FRAS1: variants seen among roughly 807,000 people sequenced by gnomAD.
The protein encoded by FRAS1 is extracellular matrix organizing protein FRAS1.
A neutral mutation model predicts 435.2 loss-of-function variants in FRAS1; 290 were observed. The observed-to-expected ratio is 0.67, with a 90% CI of 0.61 to 0.73. The LOEUF (loss-of-function observed/expected upper bound fraction) is 0.73, where lower values mean the gene tolerates loss of function less well. Among genes scored for constraint, FRAS1 ranks in the 30% least tolerant of loss-of-function variants. The probability of loss-of-function intolerance (pLI) is 0.00; values close to 1 mark genes in which losing one functional copy is unlikely to be tolerated. For missense variants in FRAS1, 4,860 were observed against 5,001.5 expected (o/e 0.97, Z 0.85); for synonymous variants, 1,800 against 1,851.0 (o/e 0.97, Z 0.71).
chr4:78,438,813 G>C, intron 39 of FRAS1, 89 bp from the exon 40 acceptor site: 1 of 1,492,456 alleles, frequency 6.7e-7, no homozygotes, highest in Non-Finnish European at 9.1e-7. Flanking sequence ...GAATATATTG[G>C]TTTGGCCCCA....
At chr4:78,363,741 C>A in intron 21 of FRAS1, 76 bp downstream of exon 21, 22 of 1,500,782 alleles carry the variant, frequency 1.5e-5, no homozygotes, top group Admixed American at 2.0e-5. Flanking sequence ...AAGGATCAAC[C>A]TTTCCTAAGA....
chr4:78,118,142 G>C (rs1015053781), intron 2 of FRAS1, among the ~76,000 whole-genome samples: 2 of 152,214 alleles, frequency 1.3e-5, no homozygotes, highest in Non-Finnish European at 2.9e-5. Context: ...CTGCAGAACA[G>C]CAGATATTGG....
rs769330644 is a variant in FRAS1, at chr4:78,284,445, A to G, written c.1296A>G (p.Pro432=). The change falls in exon 13 of 74, where the codon CCA becomes CCG. Residue 432 remains proline, a synonymous_variant. Coordinates refer to ENST00000512123, the MANE Select transcript of FRAS1 (RefSeq NM_025074.7). Reference sequence around the variant, plus strand: ...ATTGTTTGACATGCTCTCAGTCTCCAGACCACTGTGACCTCTGCCAAGATC... The same window carrying G: ...ATTGTTTGACATGCTCTCAGTCTCCGGACCACTGTGACCTCTGCCAAGATC... The part of the protein sequence containing the change: ...HPDCLTCSQS[P]DHCDLCQDPT... The G allele has an allele frequency of 6.2e-7, 1 of 1,613,912 alleles. No individual in the cohort carries two copies. Among genetic ancestry groups the G allele is most frequent in the South Asian group, 1.1e-5 (1 of 91,070 alleles).
chr4:78,390,553 G>A (rs1330836376), intron 29 of FRAS1, among the ~76,000 whole-genome samples: 1 of 152,168 alleles, frequency 6.6e-6, no homozygotes, highest in Non-Finnish European at 1.5e-5. Flanking sequence ...TTGATGGATA[G>A]AATAAAGACA....
At chr4:78,067,370 T>G (rs904065101) in intron 2 of FRAS1, among the ~76,000 whole-genome samples, 1 of 152,166 alleles carries the variant, frequency 6.6e-6, no homozygotes, top group Non-Finnish European at 1.5e-5. Context: ...TGAAAAAAAG[T>G]GGCTAGACCA....
In FRAS1 at chr4:78,218,088, T is replaced by A. The variant is rs12507822; in HGVS notation, c.109-19422T>A. 6.5e-3 allele frequency among the ~76,000 whole-genome samples: 47 copies of A among 7,282 alleles called. 2 individuals are homozygous for A. The South Asian group carries it at 0.075, about 12-fold the overall frequency. The allele number at this position is 7,282 out of a possible 152,430, so 4.8% of individuals were successfully genotyped here. On this transcript the variant is annotated intron_variant, in intron 2 of 73. Coordinates refer to ENST00000512123, the MANE Select transcript of FRAS1 (RefSeq NM_025074.7). ...TCTCTCTCTCCCTTCTCTCTCTCTC[T>A]CACTCTCTCTCACACACACACACAC...
chr4:78,224,920 A>G (rs747475480), intron 2 of FRAS1, among the ~76,000 whole-genome samples: 46 of 152,220 alleles, frequency 3.0e-4, no homozygotes, highest in African/African-American at 1.1e-3. Flanking sequence ...TATGGATATC[A>G]TATTTTGAAA....
intron 38 of FRAS1, among the ~76,000 whole-genome samples, chr4:78,435,031 C>G (rs1453153551): frequency 6.6e-6 from 1 of 151,982 alleles, no homozygotes; most frequent in Admixed American, 6.5e-5. Flanking sequence ...ACTTAGTAAG[C>G]TGATTCTAAA....
chr4:78,486,854 A>G (rs1393885187), intron 58 of FRAS1, among the ~76,000 whole-genome samples: 1 of 138,632 alleles, frequency 7.2e-6, no homozygotes, highest in African/African-American at 2.7e-5. Context: ...TTTTTTTGGC[A>G]GACAGGGATA....
chr4:78,527,837 A>T (rs114662536), intron 70 of FRAS1, among the ~76,000 whole-genome samples: 2 of 152,176 alleles, frequency 1.3e-5, no homozygotes, highest in African/African-American at 4.8e-5. Context: ...GGATGCTTGT[A>T]TGCTGGTGGG....
chr4:78,066,743 G>A (rs1740059515), intron 2 of FRAS1, among the ~76,000 whole-genome samples: 1 of 152,168 alleles, frequency 6.6e-6, no homozygotes, highest in Non-Finnish European at 1.5e-5. Flanking sequence ...AACTGAGATG[G>A]TTGGAAAGAA....
chr4:78,365,233 T>C (rs1005401950), intron 22 of FRAS1, among the ~76,000 whole-genome samples: 2 of 152,226 alleles, frequency 1.3e-5, no homozygotes, highest in African/African-American at 4.8e-5. Context: ...ACTCACCCTT[T>C]TGCATCATCT....
At chr4:78,166,366 T>C (rs1045317216) in intron 2 of FRAS1, among the ~76,000 whole-genome samples, 2 of 152,158 alleles carry the variant, frequency 1.3e-5, no homozygotes, top group Non-Finnish European at 2.9e-5. Flanking sequence ...AAATATGGTC[T>C]GGAATTATTT....
intron 2 of FRAS1, chr4:78,182,000 C>A: frequency 6.4e-7 from 1 of 1,561,024 alleles, no homozygotes. Flanking sequence ...CTGGTCGAAT[C>A]GGTTGGTGAC....
chr4:78,195,376 T>G (rs1391333845), intron 2 of FRAS1, among the ~76,000 whole-genome samples: 1 of 152,260 alleles, frequency 6.6e-6, no homozygotes, highest in African/African-American at 2.4e-5. Context: ...AGAGGTGGAG[T>G]CTGCAGAGGC....
Position 78,383,923 on chromosome 4 carries a change from A to G in FRAS1, c.3564-136A>G, listed in dbSNP as rs143726491. On this transcript the variant is annotated intron_variant, in intron 27 of 73. Transcript: ENST00000512123. The stretch of plus-strand genomic sequence containing the variant: ...TATCTGGTAGTTTTTTCTTTATAGT[A>G]TGAGTGTGACATTACTGCAGCAGTT... The G allele has an allele frequency of 1.9e-3, 1,131 of 609,618 alleles. 7 individuals carry two copies. In the African/African-American group the frequency reaches 0.02, roughly 11 times the overall value. The allele number at this position is 609,618 out of a possible 1,614,324, so 37.8% of individuals were successfully genotyped here.
rs368430185 is a variant in FRAS1 at position 78,218,098 on chromosome 4, T to TCTCACACACACACACA, written c.109-19411_109-19410insTCACACACACACACAC. ...CCTTCTCTCTCTCTCTCACTCTCTC[T>TCTCACACACACACACA]CACACACACACACACACACACACAC... On this transcript the variant is annotated intron_variant, in intron 2 of 73. Transcript: ENST00000512123. 2.2e-3 allele frequency among the ~76,000 whole-genome samples: 86 copies of TCTCACACACACACACA among 39,738 alleles called. 2 individuals carry two copies. The highest frequency in any genetic ancestry group is 3.3e-3 in the Non-Finnish European group (72 of 21,594). 26.1% of individuals were successfully genotyped at this position (39,738 alleles called of 152,430 possible). A position where few individuals can be genotyped will look rare whatever the true frequency, so the allele number is the denominator to read the frequency against.
chr4:78,217,944 C>T (rs184676689), intron 2 of FRAS1, among the ~76,000 whole-genome samples: 7,073 of 7,202 alleles, frequency 0.98, 3,483 homozygotes, highest in Middle Eastern at 1. Context: ...CCCTCTCCTC[C>T]CTTCCCCTCC....
Position 78,540,698 on chromosome 4 carries a change from C to G in FRAS1, c.11613C>G (p.Asp3871Glu), listed in dbSNP as rs1467665741. Residue 3871 changes from aspartate (D) to glutamate (E), a missense_variant, in exon 74 of 74, where the codon GAC becomes GAG. Physicochemically the swap from Asp to Glu is conservative, Grantham distance 45. Transcript: ENST00000512123. ...QLILDDSLIY[D>E]NEGDQVKNGT... ...TCCTTGATGATTCCCTCATCTATGA[C>G]AATGAAGGAGACCAAGTCAAGAATG... is the stretch of plus-strand genomic sequence containing the variant. 1.1e-5 allele frequency: 18 copies of G among 1,613,636 alleles called. No homozygotes were observed. The highest frequency in any genetic ancestry group is 1.5e-5 in the Non-Finnish European group (18 of 1,179,762).
Sources: gnomAD v4.1 joint callset for allele counts (sites outside exome capture counted in the v4.1 genomes callset) on GRCh38, gnomAD v4.1.1 for gene constraint, MANE v1.5 for transcripts, NCBI Gene and HGNC (gene_info 2026-07-23, HGNC 2026-07-21) for gene names.